Variants in ANKRD17 observed in about 807,000 individuals in gnomAD.
ANKRD17 encodes the protein ankyrin repeat domain 17.
In ANKRD17, 19 loss-of-function variants were observed where a neutral mutation model predicts 229.7. That is an observed-to-expected ratio of 0.08 (90% CI 0.06 to 0.12). The LOEUF is 0.12. Among genes scored for constraint, ANKRD17 ranks in the 10% least tolerant of loss-of-function variants. The pLI, the probability that ANKRD17 is intolerant of heterozygous loss-of-function variation, is 1.00. For synonymous variants in ANKRD17, 1,112 were observed against 1,146.1 expected (o/e 0.97, Z 0.60); for missense variants, 2,176 against 3,176.8 (o/e 0.68, Z 7.57).
chr4:73,258,548 C>A lies in ANKRD17; in HGVS notation c.121G>T (p.Gly41Cys), dbSNP rs866048705. The A allele has an allele frequency of 6.8e-7, 1 of 1,476,390 alleles. No homozygotes were observed. The highest frequency in any genetic ancestry group is 2.5e-5 in the Admixed American group (1 of 40,762). The allele number at this position is 1,476,390 out of a possible 1,614,324, so 91.5% of individuals were successfully genotyped here. The change falls in exon 1 of 34, where the codon GGC (glycine) becomes TGC (cysteine). Residue 41 changes from glycine to cysteine, a missense_variant. By Grantham distance (159) the Gly-to-Cys change is radical (BLOSUM62 -3). Coordinates refer to ENST00000358602, the MANE Select transcript of ANKRD17 (RefSeq NM_032217.5). The part of the protein sequence containing the change: ...AAAEVGGGVG[G>C]SSRARSASSP... Reference sequence around the variant, plus strand: ...GAGGCCGAGCGAGCTCTGCTGCTGCCGCCAACGCCGCCGCCGACCTCCGCC... The same window carrying A: ...GAGGCCGAGCGAGCTCTGCTGCTGCAGCCAACGCCGCCGCCGACCTCCGCC...
At chr4:73,122,742 A>C (rs1210485072) in intron 18 of ANKRD17, among the ~76,000 whole-genome samples, 2 of 152,106 alleles carry the variant, frequency 1.3e-5, no homozygotes, top group Admixed American at 6.6e-5. Flanking sequence ...TTTAGATATC[A>C]CATTCTTTCC....
chr4:73,254,544 G>T (rs1268967139), intron 1 of ANKRD17, among the ~76,000 whole-genome samples: 1 of 152,132 alleles, frequency 6.6e-6, no homozygotes, highest in Admixed American at 6.5e-5. Context: ...GAGGCCAGTG[G>T]ATCACCTGAG....
chr4:73,115,496 C>T (rs1177299217), intron 23 of ANKRD17, among the ~76,000 whole-genome samples: 2 of 151,978 alleles, frequency 1.3e-5, no homozygotes, highest in Non-Finnish European at 2.9e-5. Context: ...CCCCATGTTG[C>T]CCAAGCTGGT....
intron 16 of ANKRD17, among the ~76,000 whole-genome samples, chr4:73,129,298 C>A (rs1414522218): frequency 6.6e-6 from 1 of 152,080 alleles, no homozygotes; most frequent in Non-Finnish European, 1.5e-5. Flanking sequence ...ATCAACATGA[C>A]TATTCAATTT....
chr4:73,167,429 G>C (rs1395610751), intron 2 of ANKRD17, among the ~76,000 whole-genome samples: 1 of 152,104 alleles, frequency 6.6e-6, no homozygotes, highest in Non-Finnish European at 1.5e-5. Context: ...CGTATGAAAA[G>C]GTATCTTATC....
In ANKRD17 at chr4:73,198,719, A is replaced by G. The variant is rs374594175; in HGVS notation, c.394-21186T>C. On this transcript the variant is annotated intron_variant, in intron 1 of 33. Transcript: ENST00000358602. Reference sequence around the variant, plus strand: ...TGCCCAAAGTCACAAAGGAGATTAAATCAAAATTATAAATATTCCTTTCAC... The same window carrying G: ...TGCCCAAAGTCACAAAGGAGATTAAGTCAAAATTATAAATATTCCTTTCAC... Among the ~76,000 whole-genome samples the G allele has an allele frequency of 5.3e-5, 8 of 152,314 alleles. 1 individual carries two copies. The East Asian group carries it at 1.4e-3, about 26-fold the overall frequency.
intron 1 of ANKRD17, among the ~76,000 whole-genome samples, chr4:73,195,311 G>C (rs1407990173): frequency 6.6e-6 from 1 of 151,902 alleles, no homozygotes; most frequent in African/African-American, 2.4e-5. Flanking sequence ...GATATATATT[G>C]GTTTTAATTT....
chr4:73,091,580 C>T lies in ANKRD17; in HGVS notation c.6048G>A (p.Thr2016=), dbSNP rs563922624. Residue 2016 remains threonine, a synonymous_variant, in exon 29 of 34, where the codon ACG becomes ACA. Transcript: ENST00000358602. ...TGGGTGCAGTGTTGTTGTTGCTTGCCGTGGTTGTGACTGTTGTTGTGGTGG... is the reference window on the plus strand; with the variant it reads ...TGGGTGCAGTGTTGTTGTTGCTTGCTGTGGTTGTGACTGTTGTTGTGGTGG... ...SNATTTTVTT[T]ASNNNTAPTN... 6.2e-6 allele frequency: 10 copies of T among 1,614,080 alleles called. No homozygotes were observed. In the African/African-American group the frequency reaches 6.7e-5, roughly 11 times the overall value.
chr4:73,077,272 A>G (rs537245000), intron 32 of ANKRD17, 83 bp downstream of exon 32: 2 of 1,388,298 alleles, frequency 1.4e-6, no homozygotes, highest in South Asian at 1.5e-5. Context: ...TTTTAACATT[A>G]GATTATACAT....
At chr4:73,109,557 G>A (rs1395686100) in intron 24 of ANKRD17, among the ~76,000 whole-genome samples, 2 of 152,134 alleles carry the variant, frequency 1.3e-5, no homozygotes, top group South Asian at 2.1e-4. Flanking sequence ...GAGAGGTGGT[G>A]CTGGAGTTCC....
intron 1 of ANKRD17, among the ~76,000 whole-genome samples, chr4:73,207,557 A>G (rs1739639250): frequency 6.6e-6 from 1 of 152,210 alleles, no homozygotes; most frequent in Non-Finnish European, 1.5e-5. Context: ...AGACAGAGAT[A>G]GGTTAAAAGA....
chr4:73,247,861 A>T (rs919772561), intron 1 of ANKRD17, among the ~76,000 whole-genome samples: 1 of 152,042 alleles, frequency 6.6e-6, no homozygotes, highest in African/African-American at 2.4e-5. Context: ...AAAAAGAATG[A>T]AAAGACGTAT....
rs774574406 is a variant in ANKRD17 at position 73,146,744 on chromosome 4, TA to T, written c.1869+19del. ...TTTCTTATTGTTAAATATTAAGATT[TA>T]AAAAGTAACATAGCTTACCAGATCT... On this transcript the variant is annotated intron_variant, in intron 10 of 33. Coordinates refer to ENST00000358602, the MANE Select transcript of ANKRD17 (RefSeq NM_032217.5). 2.6e-6 allele frequency: 4 copies of T among 1,524,040 alleles called. No homozygotes were observed. In the South Asian group the frequency reaches 3.8e-5, roughly 14 times the overall value. The allele number at this position is 1,524,040 out of a possible 1,614,324, so 94.4% of individuals were successfully genotyped here.
At chr4:73,121,944 T>G (rs1726790578) in intron 18 of ANKRD17, among the ~76,000 whole-genome samples, 185 bp from the exon 19 acceptor site, 1 of 152,142 alleles carries the variant, frequency 6.6e-6, no homozygotes. Flanking sequence ...AAGAGATACC[T>G]TCTCAAGTAA....
chr4:73,094,296 G>A (rs1438648049), intron 27 of ANKRD17, 68 bp from the exon 28 acceptor site: 9 of 1,389,126 alleles, frequency 6.5e-6, no homozygotes, highest in Non-Finnish European at 9.0e-6. Flanking sequence ...TTTTAAAAGA[G>A]GAAAGAGTAT....
chr4:73,220,546 TA>T (rs1367077502), intron 1 of ANKRD17, among the ~76,000 whole-genome samples: 2 of 152,162 alleles, frequency 1.3e-5, no homozygotes, highest in Non-Finnish European at 2.9e-5. Context: ...TGGGCATATA[TA>T]ATCAGTAATC....
intron 1 of ANKRD17, among the ~76,000 whole-genome samples, chr4:73,209,211 C>A (rs1359347123): frequency 2.6e-5 from 4 of 151,460 alleles, no homozygotes; most frequent in African/African-American, 9.7e-5. Context: ...GGGTCAAAAA[C>A]AAAAAACAAA....
Position 73,258,406 on chromosome 4 carries a change from C to G in ANKRD17, c.263G>C (p.Ser88Thr). The change falls in exon 1 of 34, where the codon AGC becomes ACC. Residue 88 changes from serine to threonine, a missense_variant. By Grantham distance (58) the Ser-to-Thr change is moderately conservative. Around this residue, in one of 18 missense-constraint regions of ANKRD17, gnomAD observed 196 missense variants for 190.0 expected, o/e 1.03. Transcript: ENST00000358602. ...RTCRPPSSSE[S>T]SSDSDNSGGG... ...GCCGCTGTTGTCGCTGTCGCTGCTGCTTTCGCTGCTGCTGGGGGGTCGGCA... is the reference window on the plus strand; with the variant it reads ...GCCGCTGTTGTCGCTGTCGCTGCTGGTTTCGCTGCTGCTGGGGGGTCGGCA... The G allele has an allele frequency of 1.2e-6, 2 of 1,611,182 alleles. No homozygotes were observed. The highest frequency in any genetic ancestry group is 1.7e-6 in the Non-Finnish European group (2 of 1,179,506).
intron 1 of ANKRD17, among the ~76,000 whole-genome samples, chr4:73,197,856 T>C (rs934092926): frequency 3.9e-5 from 6 of 152,108 alleles, no homozygotes; most frequent in African/African-American, 1.4e-4. Flanking sequence ...AGAGAGAACA[T>C]TGAGCTAAAC....
Sources: allele counts gnomAD v4.1 joint callset (sites outside exome capture counted in the v4.1 genomes callset), GRCh38; gene constraint gnomAD v4.1.1; regional missense constraint gnomAD v4.1.1; transcripts MANE v1.5; gene names NCBI Gene and HGNC (gene_info 2026-07-23, HGNC 2026-07-21).